The following USP54 variants were observed in gnomAD, a reference collection of about 807,000 sequenced individuals.
The protein encoded by USP54 is ubiquitin specific peptidase 54.
USP54 carries 87 observed loss-of-function variants against 170.5 expected under a neutral mutation model. That is an observed-to-expected ratio of 0.51 (90% CI 0.43 to 0.61). The LOEUF is 0.61. Among genes scored for constraint, USP54 ranks in the 20% least tolerant of loss-of-function variants. USP54 has a pLI of 0.00. For synonymous variants in USP54, 655 were observed against 742.8 expected (o/e 0.88, Z 1.92); for missense variants, 1,786 against 2,047.8 (o/e 0.87, Z 2.47).
chr10:73,621,736 T>C (rs2081113386), intron 1 of USP54, among the ~76,000 whole-genome samples: 1 of 152,148 alleles, frequency 6.6e-6, no homozygotes, highest in Non-Finnish European at 1.5e-5. Flanking sequence ...GCTGGAAGCT[T>C]ACAAATATAT....
chr10:73,623,083 T>C (rs953714117), intron 1 of USP54, among the ~76,000 whole-genome samples: 31 of 152,230 alleles, frequency 2.0e-4, no homozygotes, highest in Non-Finnish European at 4.4e-4. Flanking sequence ...CTTTGTAATT[T>C]TGAAAACTCT....
intron 4 of USP54, among the ~76,000 whole-genome samples, chr10:73,550,495 ACTAT>A (rs1015851769): frequency 3.3e-4 from 50 of 152,248 alleles, no homozygotes; most frequent in African/African-American, 1.2e-3. Context: ...AGCAATTATT[ACTAT>A]CTGTCATACT....
intron 4 of USP54, among the ~76,000 whole-genome samples, chr10:73,569,766 A>AG (rs202221392): frequency 0.035 from 5,129 of 145,352 alleles, 141 homozygotes; most frequent in South Asian, 0.11. Flanking sequence ...AAAAAAAAAG[A>AG]AAAAAAAAAA....
intron 9 of USP54, among the ~76,000 whole-genome samples, chr10:73,540,963 A>G (rs868784722): frequency 2.0e-5 from 3 of 152,136 alleles, no homozygotes; most frequent in Non-Finnish European, 4.4e-5. Flanking sequence ...CCAACTTTTA[A>G]CTTCTTCACC....
At chr10:73,516,211 G>A (rs1054668084) in intron 20 of USP54, among the ~76,000 whole-genome samples, 164 bp downstream of exon 20, 1 of 152,154 alleles carries the variant, frequency 6.6e-6, no homozygotes, top group African/African-American at 2.4e-5. Flanking sequence ...CCAGAAAAAT[G>A]TCTAGGTCTT....
chr10:73,564,901 C>CA (rs199823108), intron 4 of USP54, among the ~76,000 whole-genome samples: 7,570 of 65,388 alleles, frequency 0.12, 569 homozygotes, highest in African/African-American at 0.28. Flanking sequence ...TCATCTCTAC[C>CA]AAAAAAAAAA....
intron 12 of USP54, among the ~76,000 whole-genome samples, chr10:73,533,068 A>G (rs965509358): frequency 6.6e-6 from 1 of 152,180 alleles, no homozygotes; most frequent in Non-Finnish European, 1.5e-5. Flanking sequence ...GCACTTTGGG[A>G]GGCCGAGGTG....
intron 4 of USP54, among the ~76,000 whole-genome samples, chr10:73,566,222 C>T (rs1206694959): frequency 6.6e-6 from 1 of 151,694 alleles, no homozygotes; most frequent in East Asian, 1.9e-4. Context: ...AAGAGTGAAA[C>T]TCCGTCTCAA....
intron 1 of USP54, among the ~76,000 whole-genome samples, chr10:73,605,872 C>T (rs2079578020): frequency 6.6e-6 from 1 of 151,960 alleles, no homozygotes; most frequent in Admixed American, 6.6e-5. Context: ...TTTGGAGTCT[C>T]AGTTTTATGA....
Position 73,497,543 on chromosome 10 carries a change from T to C in USP54, c.*1086A>G, listed in dbSNP as rs2057294202. ...AAGGGAAGAATGACAAGGAATTAAA[T>C]AGAACTGTCTTATAGATTTATTAAT... On this transcript the variant is annotated 3_prime_UTR_variant, in exon 24 of 24. Transcript: ENST00000687698. The C allele has an allele frequency of 6.6e-6, 1 of 152,236 alleles. No homozygotes were observed. The highest frequency in any genetic ancestry group is 1.5e-5 in the Non-Finnish European group (1 of 68,042). 9.4% of individuals were successfully genotyped at this position (152,236 alleles called of 1,614,324 possible).
At chr10:73,513,742 T>C (rs1449373595) in intron 20 of USP54, among the ~76,000 whole-genome samples, 3 of 152,188 alleles carry the variant, frequency 2.0e-5, no homozygotes, top group Admixed American at 6.5e-5. Flanking sequence ...AGATTATCAG[T>C]GATTTTTGAT....
chr10:73,584,861 C>T (rs909309717), intron 1 of USP54, among the ~76,000 whole-genome samples: 1 of 152,032 alleles, frequency 6.6e-6, no homozygotes. Flanking sequence ...TGGTGTGGAT[C>T]TCTATTTCCT....
Position 73,530,336 on chromosome 10 carries a change from A to G in USP54, c.1635T>C (p.Pro545=). 1 of 1,614,022 alleles carries G rather than the reference A, an allele frequency of 6.2e-7. No homozygotes were observed. The highest frequency in any genetic ancestry group is 1.7e-4 in the Middle Eastern group (1 of 6,032). The change falls in exon 14 of 24, where the codon CCT becomes CCC. Residue 545 remains proline (P), a synonymous_variant. Coordinates refer to ENST00000687698, the MANE Select transcript of USP54 (RefSeq NM_001391956.1). ...RGGDQPDKKP[P]RTLPLHSRDW... is the part of the protein sequence containing the mutation. ...CACGAGAGTGTAAAGGCAGGGTCCT[A>G]GGAGGTTTTTTGTCAGGCTGGTCTC...
intron 1 of USP54, among the ~76,000 whole-genome samples, chr10:73,625,061 C>CT (rs2081411061): frequency 6.6e-6 from 1 of 152,214 alleles, no homozygotes; most frequent in South Asian, 2.1e-4. Flanking sequence ...ACCTGACTAC[C>CT]TTCCAGGTAT....
intron 19 of USP54, chr10:73,518,322 AT>A: frequency 1.2e-6 from 1 of 827,966 alleles, no homozygotes; most frequent in Non-Finnish European, 1.5e-6. Context: ...ATTTTGTTCT[AT>A]TAGTCACTGA....
intron 1 of USP54, among the ~76,000 whole-genome samples, chr10:73,605,820 T>C (rs1167941265): frequency 6.6e-6 from 1 of 152,032 alleles, no homozygotes; most frequent in Non-Finnish European, 1.5e-5. Context: ...TGGTGGTGGC[T>C]AGGCACTTTG....
intron 1 of USP54, among the ~76,000 whole-genome samples, chr10:73,576,906 A>C (rs1394898726): frequency 6.6e-6 from 1 of 152,174 alleles, no homozygotes; most frequent in Non-Finnish European, 1.5e-5. Flanking sequence ...AAGAGAACTA[A>C]ATCTTCTCCT....
intron 4 of USP54, among the ~76,000 whole-genome samples, chr10:73,567,822 T>C (rs1055595881): frequency 6.6e-6 from 1 of 152,226 alleles, no homozygotes; most frequent in Non-Finnish European, 1.5e-5. Context: ...TGATCCTTTA[T>C]AATCTTTATA....
At position 73,505,346 on chromosome 10, in the gene USP54, G is replaced by A. The variant is rs768505412; in HGVS notation, c.4132C>T (p.His1378Tyr). 5.0e-6 allele frequency: 8 copies of A among 1,614,138 alleles called. No homozygotes were observed. The East Asian group carries it at 1.1e-4, about 22-fold the overall frequency. ...ACTGTTCTGGCTTCATGGAGACCAT[G>A]CTCCATTTCTGCTGTTGAAGTCTTT... ...LSKTSTAEME[H>Y]GLHEARTVRT... The change falls in exon 21 of 24, where the codon CAT (histidine) becomes TAT (tyrosine). Residue 1378 changes from histidine (H) to tyrosine (Y), a missense_variant. Coordinates refer to ENST00000687698, the MANE Select transcript of USP54 (RefSeq NM_001391956.1).
Sources: gnomAD v4.1 joint callset for allele counts (sites outside exome capture counted in the v4.1 genomes callset) on GRCh38, gnomAD v4.1.1 for gene constraint, MANE v1.5 for transcripts, NCBI Gene and HGNC (gene_info 2026-07-23, HGNC 2026-07-21) for gene names.